RHOU: variants seen among roughly 807,000 people sequenced by gnomAD.
The protein encoded by RHOU is rho-related GTP-binding protein RhoU.
Under a neutral mutation model 12.6 loss-of-function variants are expected in RHOU, and 8 were observed. The ratio of observed to expected loss-of-function variants is 0.64; its 90% CI spans 0.37 to 1.15. The LOEUF is 1.15. Ranked by LOEUF, RHOU falls within the 50% of genes most tolerant of loss-of-function variation. The probability of loss-of-function intolerance (pLI) is 0.01; values close to 1 mark genes in which losing one functional copy is unlikely to be tolerated. For synonymous variants in RHOU, 161 were observed against 147.4 expected (o/e 1.09, Z -0.67); for missense variants, 258 against 347.0 (o/e 0.74, Z 2.04).
the RHOU span, among the ~76,000 whole-genome samples, chr1:228,712,436 T>G: frequency 5.3e-5 from 8 of 151,652 alleles, no homozygotes; most frequent in Non-Finnish European, 1.5e-5. Context: ...ATAGACTGGA[T>G]TAAGAAAATG....
At chr1:228,703,299 C>T in the RHOU span, among the ~76,000 whole-genome samples, 40 of 152,012 alleles carry the variant, frequency 2.6e-4, no homozygotes, top group East Asian at 5.8e-4. Flanking sequence ...GGCCGAGGCG[C>T]GCGGATCATG....
chr1:228,676,091 T>G, the RHOU span, among the ~76,000 whole-genome samples: 2 of 151,970 alleles, frequency 1.3e-5, no homozygotes, highest in Non-Finnish European at 2.9e-5. Flanking sequence ...AAGAGGTAAT[T>G]ATTTAGTTCC....
the RHOU span, among the ~76,000 whole-genome samples, chr1:228,724,424 A>G: frequency 0.025 from 3,868 of 152,270 alleles, 171 homozygotes; most frequent in African/African-American, 0.088. Flanking sequence ...GATTACCACA[A>G]TCATTATTGT....
Position 228,744,005 on chromosome 1 carries a change from G to A in RHOU, c.*265G>A. The stretch of plus-strand genomic sequence containing the variant: ...TGGAAATTTAGAGTTCTAGACCTCT[G>A]GTTAATTTATATCTAATATGAAGAA... On this transcript the variant is annotated 3_prime_UTR_variant, in exon 3 of 3. Transcript: ENST00000366691. 1 of 365,234 alleles carries A rather than the reference G, an allele frequency of 2.7e-6. No individual in the cohort carries two copies. Among genetic ancestry groups the A allele is most frequent in the South Asian group, 3.9e-5 (1 of 25,924 alleles). 22.6% of individuals were successfully genotyped at this position (365,234 alleles called of 1,614,324 possible). A position where few individuals can be genotyped will look rare whatever the true frequency, so the allele number is the denominator to read the frequency against.
At chr1:228,656,561 C>CT in the RHOU span, among the ~76,000 whole-genome samples, 582 of 151,760 alleles carry the variant, frequency 3.8e-3, 4 homozygotes, top group African/African-American at 0.013. Flanking sequence ...GGGGATGGAG[C>CT]TTTAAAAAAA....
the RHOU span, chr1:228,687,639 G>T: frequency 3.9e-6 from 6 of 1,557,256 alleles, no homozygotes; most frequent in East Asian, 2.2e-5. Context: ...GCACAAACTG[G>T]CCACTGACAA....
At chr1:228,704,423 T>TA in the RHOU span, among the ~76,000 whole-genome samples, 1 of 152,094 alleles carries the variant, frequency 6.6e-6, no homozygotes, top group Non-Finnish European at 1.5e-5. Flanking sequence ...AGTTGGTAAA[T>TA]TTTCTTACCA....
the RHOU span, among the ~76,000 whole-genome samples, chr1:228,680,354 G>A: frequency 2.0e-5 from 3 of 152,144 alleles, no homozygotes; most frequent in Admixed American, 6.6e-5. Flanking sequence ...GAGGAATCCC[G>A]GGCCGTGGGC....
At chr1:228,694,638 C>T in the RHOU span, among the ~76,000 whole-genome samples, 1 of 152,164 alleles carries the variant, frequency 6.6e-6, no homozygotes, top group Admixed American at 6.6e-5. Context: ...CACATCCCTG[C>T]AAAGGACATG....
In RHOU at chr1:228,737,153, G is replaced by T. The variant is rs1261295651; in HGVS notation, c.263-520G>T. On this transcript the variant is annotated intron_variant, in intron 1 of 2. Coordinates refer to ENST00000366691, the MANE Select transcript of RHOU (RefSeq NM_021205.6). The surrounding 1 kb of genome is among the most constrained non-coding windows in gnomAD (Gnocchi z 4.1). ...TTAATCCTCCTTTTGACCTGACATA[G>T]AGATAAGGAGTGCCCTCATTTCTTA... 6.6e-6 allele frequency among the ~76,000 whole-genome samples: 1 copy of T among 152,190 alleles called. No homozygotes were observed. The highest frequency in any genetic ancestry group is 2.4e-5 in the African/African-American group (1 of 41,450).
At chr1:228,672,432 G>T in the RHOU span, among the ~76,000 whole-genome samples, 1 of 152,070 alleles carries the variant, frequency 6.6e-6, no homozygotes, top group Non-Finnish European at 1.5e-5. Context: ...CAAAGTGCTG[G>T]GATTACAGGC....
the RHOU span, among the ~76,000 whole-genome samples, chr1:228,669,018 C>T: frequency 6.6e-6 from 1 of 152,190 alleles, no homozygotes; most frequent in Non-Finnish European, 1.5e-5. Context: ...CTGAGATTCC[C>T]CCGATGTAGG....
the RHOU span, among the ~76,000 whole-genome samples, chr1:228,653,284 T>C: frequency 6.6e-6 from 1 of 152,094 alleles, no homozygotes; most frequent in Non-Finnish European, 1.5e-5. Context: ...GCCTTATGAA[T>C]AGCTGGGAGT....
At chr1:228,706,351 G>C in the RHOU span, among the ~76,000 whole-genome samples, 1 of 152,218 alleles carries the variant, frequency 6.6e-6, no homozygotes, top group Non-Finnish European at 1.5e-5. Flanking sequence ...AACCAGAAGA[G>C]CTTCAGAGGG....
chr1:228,730,290 G>A, the RHOU span, among the ~76,000 whole-genome samples: 1 of 152,212 alleles, frequency 6.6e-6, no homozygotes, highest in East Asian at 1.9e-4. Context: ...CCAATAGTAA[G>A]TTATGCAGAT....
chr1:228,698,092 C>G, the RHOU span, among the ~76,000 whole-genome samples: 202 of 152,220 alleles, frequency 1.3e-3, no homozygotes, highest in African/African-American at 4.8e-3. Context: ...ATTTTGACGT[C>G]TACAGTTTTA....
At chr1:228,654,860 A>T in the RHOU span, among the ~76,000 whole-genome samples, 1 of 152,180 alleles carries the variant, frequency 6.6e-6, no homozygotes, top group African/African-American at 2.4e-5. Flanking sequence ...AAATTGCTCC[A>T]TATTAGTTTT....
the RHOU span, among the ~76,000 whole-genome samples, chr1:228,686,628 G>A: frequency 6.6e-6 from 1 of 152,138 alleles, no homozygotes; most frequent in African/African-American, 2.4e-5. Flanking sequence ...AACTCATTGC[G>A]GTTTTTGCTA....
the RHOU span, among the ~76,000 whole-genome samples, chr1:228,658,506 G>C: frequency 4.6e-5 from 7 of 152,204 alleles, no homozygotes; most frequent in Non-Finnish European, 1.0e-4. Flanking sequence ...GCCTTCGCTA[G>C]ACACTGAATG....
Sources: allele counts gnomAD v4.1 joint callset (sites outside exome capture counted in the v4.1 genomes callset), GRCh38; gene constraint gnomAD v4.1.1; non-coding constraint Gnocchi (gnomAD v3.1); transcripts MANE v1.5; gene names NCBI Gene and HGNC (gene_info 2026-07-23, HGNC 2026-07-21).